JAKMIP3: variants seen among roughly 807,000 people sequenced by gnomAD.
JAKMIP3 encodes the protein janus kinase and microtubule-interacting protein 3.
A neutral mutation model predicts 118.5 loss-of-function variants in JAKMIP3; 58 were observed. That is an observed-to-expected ratio of 0.49 (90% CI 0.40 to 0.61). The LOEUF (loss-of-function observed/expected upper bound fraction) is 0.61, where lower values mean the gene tolerates loss of function less well. Ranked by LOEUF, JAKMIP3 falls within the 20% of genes least tolerant of loss-of-function variation. The pLI, the probability that JAKMIP3 is intolerant of heterozygous loss-of-function variation, is 0.00. For synonymous variants in JAKMIP3, 486 were observed against 451.2 expected, an observed-to-expected ratio of 1.08 and a Z score of -0.98; for missense variants, 950 against 1,109.0, an observed-to-expected ratio of 0.86 and a Z score of 2.04.
At chr10:132,165,094 A>T (rs2058760057) in intron 21 of JAKMIP3, among the ~76,000 whole-genome samples, 1 of 152,228 alleles carries the variant, frequency 6.6e-6, no homozygotes, top group Non-Finnish European at 1.5e-5. Context: ...GGCTGTGTGG[A>T]AGCCTTTGAT....
intron 5 of JAKMIP3, 69 bp downstream of exon 5, chr10:132,135,229 C>G: frequency 6.7e-7 from 1 of 1,485,128 alleles, no homozygotes; most frequent in Non-Finnish European, 9.1e-7. Context: ...TGGGGGGCAT[C>G]CACTTTCAAA....
intron 1 of JAKMIP3, among the ~76,000 whole-genome samples, chr10:132,052,509 T>G (rs1356298485): frequency 6.6e-6 from 1 of 152,216 alleles, no homozygotes; most frequent in Non-Finnish European, 1.5e-5. Context: ...TCCCCTTCAT[T>G]TCTCCTTCTG....
intron 19 of JAKMIP3, among the ~76,000 whole-genome samples, chr10:132,162,754 G>T (rs1034219504): frequency 4.5e-5 from 3 of 67,096 alleles, no homozygotes; most frequent in African/African-American, 9.8e-5. Flanking sequence ...TCATGAAAAG[G>T]TGTGTATTTT....
At chr10:132,038,487 A>G (rs1386572513) in intron 1 of JAKMIP3, among the ~76,000 whole-genome samples, 1 of 152,182 alleles carries the variant, frequency 6.6e-6, no homozygotes, top group Non-Finnish European at 1.5e-5. Flanking sequence ...ACACAAAAGA[A>G]ATAGCGATGA....
chr10:132,155,223 GTGA>G (rs748396108), intron 19 of JAKMIP3, among the ~76,000 whole-genome samples: 26 of 150,402 alleles, frequency 1.7e-4, no homozygotes, highest in Non-Finnish European at 2.5e-4. Flanking sequence ...AATGATGATG[GTGA>G]TGATGGTGGT....
At chr10:132,154,693 TCAAAG>T (rs2056784562) in intron 19 of JAKMIP3, among the ~76,000 whole-genome samples, 1 of 152,030 alleles carries the variant, frequency 6.6e-6, no homozygotes, top group Admixed American at 6.5e-5. Context: ...GCTTGGCTAC[TCAAAG>T]CAAGGGAAAG....
chr10:132,060,649 G>A (rs2038365978), upstream of JAKMIP3, among the ~76,000 whole-genome samples: 1 of 152,038 alleles, frequency 6.6e-6, no homozygotes, highest in Non-Finnish European at 1.5e-5. Flanking sequence ...AGCACAAAAA[G>A]GTAGGAAAAT....
At chr10:132,107,965 G>A (rs1384718089) in intron 2 of JAKMIP3, among the ~76,000 whole-genome samples, 3 of 152,190 alleles carry the variant, frequency 2.0e-5, no homozygotes, top group African/African-American at 7.2e-5. Context: ...GCCCTTCAGG[G>A]AGATCCAGCT....
At chr10:132,055,788 G>C (rs12412015) in intron 1 of JAKMIP3, among the ~76,000 whole-genome samples, 5,400 of 152,248 alleles carry the variant, frequency 0.035, 278 homozygotes, top group East Asian at 0.24. Context: ...CCCGGGGTTT[G>C]TGTCCCACTG....
At chr10:132,063,369 G>A (rs2038474428), upstream of JAKMIP3, among the ~76,000 whole-genome samples, 1 of 150,326 alleles carries the variant, frequency 6.7e-6, no homozygotes. Flanking sequence ...CTCGGTTTCT[G>A]GGATCTGGAA....
Position 132,117,492 on chromosome 10 carries a change from C to T in JAKMIP3, c.551C>T (p.Ala184Val). The change falls in exon 3 of 24, where the codon GCA becomes GTA. Residue 184 changes from alanine to valine, a missense_variant. Ala to Val is a moderately conservative substitution (Grantham distance 64). Coordinates refer to ENST00000684848, the MANE Select transcript of JAKMIP3 (RefSeq NM_001323087.2). This position sits in a 1 kb window ranked among gnomAD's most constrained non-coding sequence, Gnocchi z 8.6. ...ATCCAAGCGGACAAGATCAAGGCCG[C>T]AGAGATCCGCAGCGTGTACCACCTG... ...LVIQADKIKAAEIRSVYHLHQ... is the reference protein window; with the variant it reads ...LVIQADKIKAVEIRSVYHLHQ... The T allele has an allele frequency of 1.2e-6, 2 of 1,612,472 alleles. No homozygotes were observed. Among genetic ancestry groups the T allele is most frequent in the Non-Finnish European group, 1.7e-6 (2 of 1,179,410 alleles).
chr10:132,171,889 C>T (rs1244905409), intron 23 of JAKMIP3, among the ~76,000 whole-genome samples: 4 of 152,068 alleles, frequency 2.6e-5, no homozygotes, highest in Non-Finnish European at 4.4e-5. Context: ...CTCCTGACCT[C>T]GTGATCTGCC....
chr10:132,042,900 G>A (rs2037803894), intron 1 of JAKMIP3, among the ~76,000 whole-genome samples: 1 of 149,220 alleles, frequency 6.7e-6, no homozygotes, highest in Non-Finnish European at 1.5e-5. Flanking sequence ...GACCAGCCTG[G>A]GCATCATGGC....
intron 1 of JAKMIP3, among the ~76,000 whole-genome samples, chr10:132,057,130 T>TG (rs1016471041): frequency 3.3e-5 from 5 of 152,086 alleles, no homozygotes; most frequent in African/African-American, 1.2e-4. Context: ...GAATGGGGGC[T>TG]GGGAAGAGTG....
intron 19 of JAKMIP3, among the ~76,000 whole-genome samples, chr10:132,159,794 T>A (rs1589987779): frequency 7.3e-5 from 2 of 27,322 alleles, no homozygotes. Flanking sequence ...TGTGTGATGC[T>A]GGGGGGCCTC....
chr10:132,127,469 G>C (rs2049843025), intron 3 of JAKMIP3, among the ~76,000 whole-genome samples: 1 of 151,790 alleles, frequency 6.6e-6, no homozygotes, highest in Non-Finnish European at 1.5e-5. Flanking sequence ...TGGCCAGGCT[G>C]GTCTCGAACT....
At chr10:132,159,591 G>GGA in intron 19 of JAKMIP3, among the ~76,000 whole-genome samples, 2 of 131,342 alleles carry the variant, frequency 1.5e-5, no homozygotes, top group Admixed American at 7.7e-5. Flanking sequence ...TGTGATGCTG[G>GGA]GGGCATGTCT....
At chr10:132,145,463 T>G in intron 12 of JAKMIP3, 55 bp from the exon 13 acceptor site, 1 of 1,456,280 alleles carries the variant, frequency 6.9e-7, no homozygotes, top group Non-Finnish European at 9.4e-7. Context: ...GATTTAAACG[T>G]TGGTTTATGA....
chr10:132,139,316 GTGTATGTGTGTGTGTT>G (rs1564948387), intron 9 of JAKMIP3, among the ~76,000 whole-genome samples: 2 of 124,346 alleles, frequency 1.6e-5, no homozygotes, highest in East Asian at 2.5e-4. Context: ...GAGTGTGTAT[GTGTATGTGTGTGTGTT>G]TGTATGTGTG....
Sources: allele counts gnomAD v4.1 joint callset (sites outside exome capture counted in the v4.1 genomes callset), GRCh38; gene constraint gnomAD v4.1.1; non-coding constraint Gnocchi (gnomAD v3.1); transcripts MANE v1.5; gene names NCBI Gene and HGNC (gene_info 2026-07-23, HGNC 2026-07-21).